UMAD1: variants seen among roughly 807,000 people sequenced by gnomAD.
UMAD1 encodes the protein UBAP1-MVB12-associated (UMA)-domain containing protein 1.
In UMAD1, 8 loss-of-function variants were observed where a neutral mutation model predicts 6.1. The observed-to-expected ratio is 1.30, with a 90% confidence interval of 0.76 to 2.35. The LOEUF (loss-of-function observed/expected upper bound fraction) is 2.35, where lower values mean the gene tolerates loss of function less well. Ranked by LOEUF, UMAD1 falls within the 30% of genes most tolerant of loss-of-function variation. UMAD1 has a pLI of 0.00. For missense variants in UMAD1, 130 were observed against 78.4 expected (o/e 1.66, Z -2.49); for synonymous variants, 56 against 31.4 (o/e 1.78, Z -2.61).
chr7:7,804,423 A>G (rs1782865729), intron 3 of UMAD1, among the ~76,000 whole-genome samples: 1 of 152,264 alleles, frequency 6.6e-6, no homozygotes, highest in Admixed American at 6.5e-5. Context: ...CTGTAATCCC[A>G]GCACTTTGGG....
At chr7:7,869,288 A>G (rs1253986757) in intron 3 of UMAD1, among the ~76,000 whole-genome samples, 1 of 152,240 alleles carries the variant, frequency 6.6e-6, no homozygotes, top group African/African-American at 2.4e-5. Context: ...ATAGTTATCT[A>G]GGGAGATAAA....
chr7:7,861,686 T>C (rs535125818), intron 3 of UMAD1, among the ~76,000 whole-genome samples: 1 of 152,338 alleles, frequency 6.6e-6, no homozygotes, highest in South Asian at 2.1e-4. Context: ...ACTATAGTGT[T>C]TCCAAGTATG....
At chr7:7,735,706 G>A (rs1258716859) in intron 2 of UMAD1, 5 of 152,302 alleles carry the variant, frequency 3.3e-5, no homozygotes, top group East Asian at 3.9e-4. Flanking sequence ...CACCACGCCC[G>A]GCCACATTGT....
At chr7:7,756,702 G>A (rs1001765720) in intron 2 of UMAD1, among the ~76,000 whole-genome samples, 5 of 152,100 alleles carry the variant, frequency 3.3e-5, no homozygotes, top group African/African-American at 4.8e-5. Flanking sequence ...TCTGTTTCCC[G>A]TTTGGTTAGC....
chr7:7,788,740 T>G (rs1782504187), intron 2 of UMAD1, among the ~76,000 whole-genome samples: 1 of 152,150 alleles, frequency 6.6e-6, no homozygotes, highest in Non-Finnish European at 1.5e-5. Flanking sequence ...CTTAGAATAT[T>G]TGTTGATATC....
intron 2 of UMAD1, among the ~76,000 whole-genome samples, chr7:7,784,794 C>T (rs1406127822): frequency 7.4e-5 from 8 of 108,812 alleles, no homozygotes; most frequent in African/African-American, 3.1e-4. Flanking sequence ...CGGAGTCTTG[C>T]TGTGTCGCCC....
chr7:7,642,294 C>A lies in UMAD1; in HGVS notation c.-64+1473C>A, dbSNP rs937954911. ...GGACTATAAGCACATACCACCACACCCAGCTAATAAAGATTTTTTTTTTGT... is the reference window on the plus strand; with the variant it reads ...GGACTATAAGCACATACCACCACACACAGCTAATAAAGATTTTTTTTTTGT... On this transcript the variant is annotated intron_variant, in intron 1 of 3. Transcript: ENST00000682710. Among the ~76,000 whole-genome samples the A allele has an allele frequency of 4.0e-5, 6 of 149,444 alleles. No homozygotes were observed. In the East Asian group the frequency reaches 1.3e-3, roughly 32 times the overall value.
chr7:7,718,864 A>T (rs1046347508), intron 2 of UMAD1, among the ~76,000 whole-genome samples: 2 of 150,998 alleles, frequency 1.3e-5, no homozygotes, highest in Non-Finnish European at 2.9e-5. Context: ...ATTATGACTC[A>T]ACAGGTACAG....
intron 1 of UMAD1, chr7:7,641,828 G>A (rs1244161260): frequency 1.3e-5 from 2 of 152,188 alleles, no homozygotes; most frequent in Non-Finnish European, 1.5e-5. Flanking sequence ...AAAAAGATCC[G>A]ATTTGAGACT....
intron 3 of UMAD1, among the ~76,000 whole-genome samples, chr7:7,855,437 C>T (rs1431000575): frequency 6.6e-6 from 1 of 152,232 alleles, no homozygotes; most frequent in Non-Finnish European, 1.5e-5. Context: ...TCTGCATGCC[C>T]CAAGACCAAC....
chr7:7,813,024 C>G (rs1388173813), intron 3 of UMAD1, among the ~76,000 whole-genome samples: 2 of 152,152 alleles, frequency 1.3e-5, no homozygotes, highest in African/African-American at 2.4e-5. Context: ...TGCACCTGGT[C>G]TAACTGACAT....
chr7:7,650,785 A>G (rs946853229), intron 1 of UMAD1, among the ~76,000 whole-genome samples: 4 of 152,138 alleles, frequency 2.6e-5, no homozygotes, highest in African/African-American at 9.7e-5. Context: ...CCATCCAGTG[A>G]TTTCCTCCGG....
chr7:7,864,564 G>A (rs1404143687), intron 3 of UMAD1, among the ~76,000 whole-genome samples: 3 of 148,380 alleles, frequency 2.0e-5, no homozygotes, highest in Non-Finnish European at 4.4e-5. Context: ...CAGGGTACCT[G>A]AAGAAAACCC....
At chr7:7,804,682 A>G (rs1471445347) in intron 3 of UMAD1, among the ~76,000 whole-genome samples, 1 of 151,692 alleles carries the variant, frequency 6.6e-6, no homozygotes, top group East Asian at 1.9e-4. Context: ...CCAAAAATAA[A>G]ATAAAATACA....
chr7:7,669,085 T>C (rs1009669551), intron 1 of UMAD1, among the ~76,000 whole-genome samples: 2 of 13,660 alleles, frequency 1.5e-4, no homozygotes, highest in African/African-American at 3.9e-4. Context: ...GGGAATCAAG[T>C]TTTTTTTTTT....
intron 1 of UMAD1, among the ~76,000 whole-genome samples, chr7:7,656,966 C>T (rs1186416782): frequency 6.6e-6 from 1 of 151,450 alleles, no homozygotes; most frequent in African/African-American, 2.5e-5. Context: ...TACACATCCT[C>T]TCCAGCATCT....
intron 2 of UMAD1, among the ~76,000 whole-genome samples, chr7:7,683,767 C>T (rs1779971219): frequency 1.3e-5 from 2 of 152,140 alleles, no homozygotes; most frequent in South Asian, 4.1e-4. Flanking sequence ...GGATTACAGG[C>T]ATGCACCACC....
intron 3 of UMAD1, among the ~76,000 whole-genome samples, chr7:7,829,419 T>C (rs1783417466): frequency 6.6e-6 from 1 of 151,874 alleles, no homozygotes; most frequent in Non-Finnish European, 1.5e-5. Flanking sequence ...TAGTTTTGTG[T>C]TATCCCTGGC....
intron 2 of UMAD1, among the ~76,000 whole-genome samples, chr7:7,776,956 T>C (rs964507945): frequency 6.6e-5 from 10 of 152,222 alleles, no homozygotes; most frequent in African/African-American, 2.4e-4. Flanking sequence ...TTTCAGAGTT[T>C]ATGTCTACAC....
Sources: allele counts gnomAD v4.1 joint callset (sites outside exome capture counted in the v4.1 genomes callset), GRCh38; gene constraint gnomAD v4.1.1; transcripts MANE v1.5; gene names NCBI Gene and HGNC (gene_info 2026-07-23, HGNC 2026-07-21).